The following DMD variants were observed in gnomAD, a reference collection of about 807,000 sequenced individuals.
DMD encodes mutant dystrophin.
A neutral mutation model predicts 330.1 loss-of-function variants in DMD; 63 were observed. The ratio of observed to expected loss-of-function variants is 0.19; its 90% CI spans 0.16 to 0.24. The LOEUF is 0.24. DMD is among the 10% of genes least tolerant of loss of function. The probability of loss-of-function intolerance (pLI) is 1.00; values close to 1 mark genes in which losing one functional copy is unlikely to be tolerated. For missense variants in DMD, 3,344 were observed against 2,684.1 expected, an observed-to-expected ratio of 1.25 and a Z score of -5.43; for synonymous variants, 1,223 against 959.8, an observed-to-expected ratio of 1.27 and a Z score of -5.07.
intron 2 of DMD, among the ~76,000 whole-genome samples, chrX:33,010,239 C>CAA (rs2093667874): frequency 1.1e-4 from 11 of 102,125 alleles, no homozygotes; most frequent in South Asian, 4.3e-4. Context: ...TATATATGTA[C>CAA]ATATGTGTGT....
chrX:32,689,852 C>T (rs1484610438), intron 9 of DMD, among the ~76,000 whole-genome samples: 1 of 110,378 alleles, frequency 9.1e-6, no homozygotes, highest in Non-Finnish European at 1.9e-5. Context: ...CACAATTTCA[C>T]TATTTAAAAA....
intron 2 of DMD, among the ~76,000 whole-genome samples, chrX:32,954,412 T>G (rs770736407): frequency 5.4e-5 from 6 of 111,836 alleles, no homozygotes; most frequent in Non-Finnish European, 7.5e-5. Flanking sequence ...GGGCATCCAC[T>G]GTCTTCTCAC....
Position 31,478,320 on chromosome X carries a change from G to A in DMD, c.8723C>T (p.Ala2908Val), listed in dbSNP as rs2067972248. ...QNVTRLLRKQ[A>V]EEVNTEWEKL... is the part of the protein sequence containing the mutation. ...TTCCCACTCAGTATTGACCTCCTCAGCCTGCTTTCGTAGAAGCCGAGTGAC... is the reference window on the plus strand; with the variant it reads ...TTCCCACTCAGTATTGACCTCCTCAACCTGCTTTCGTAGAAGCCGAGTGAC... The change falls in exon 59 of 79, where the codon GCT (alanine) becomes GTT (valine). Residue 2908 changes from alanine to valine, a missense_variant. Physicochemically the swap from Ala to Val is moderately conservative, Grantham distance 64 (BLOSUM62 0). Coordinates refer to ENST00000357033, the MANE Select transcript of DMD (RefSeq NM_004006.3). The A allele has an allele frequency of 8.3e-7, 1 of 1,211,511 alleles. No homozygotes were observed. The highest frequency in any genetic ancestry group is 3.0e-5 in the East Asian group (1 of 33,844).
At chrX:32,697,504 G>A (rs1172982295) in intron 9 of DMD, among the ~76,000 whole-genome samples, 2 of 111,711 alleles carry the variant, frequency 1.8e-5, no homozygotes, top group African/African-American at 6.5e-5. Flanking sequence ...CCCAAATAGT[G>A]TAATTAGCAA....
chrX:31,442,427 TACTTATA>T (rs2065014241), intron 60 of DMD, among the ~76,000 whole-genome samples: 1 of 111,705 alleles, frequency 9.0e-6, no homozygotes, highest in Non-Finnish European at 1.9e-5. Context: ...TGTTTTCCTG[TACTTATA>T]ACCAAGTTTT....
At chrX:32,659,063 T>C (rs1286828229) in intron 9 of DMD, among the ~76,000 whole-genome samples, 2 of 112,080 alleles carry the variant, frequency 1.8e-5, no homozygotes, top group Non-Finnish European at 3.8e-5. Flanking sequence ...CACTGCCTCA[T>C]TGTTTTTATT....
chrX:33,119,158 A>G (rs987432393), intron 1 of DMD, among the ~76,000 whole-genome samples: 1 of 112,432 alleles, frequency 8.9e-6, no homozygotes, highest in Admixed American at 9.5e-5. Flanking sequence ...ACTTCCTTGA[A>G]CACATTGTAT....
At chrX:32,654,705 G>A (rs2060428411) in intron 9 of DMD, among the ~76,000 whole-genome samples, 1 of 111,589 alleles carries the variant, frequency 9.0e-6, no homozygotes, top group South Asian at 3.7e-4. Context: ...TCTATTCATT[G>A]GAATAGTTTC....
chrX:32,758,884 C>A (rs1028502234), intron 7 of DMD, among the ~76,000 whole-genome samples: 1 of 111,768 alleles, frequency 8.9e-6, no homozygotes, highest in Non-Finnish European at 1.9e-5. Context: ...CGTCCACAAA[C>A]AAAACAGACA....
At chrX:32,449,706 G>A (rs1050481783) in intron 26 of DMD, among the ~76,000 whole-genome samples, 1 of 109,130 alleles carries the variant, frequency 9.2e-6, no homozygotes, top group Non-Finnish European at 1.9e-5. Context: ...CTTCGGTTGG[G>A]AGACATTTAC....
In DMD at chrX:31,729,680, C is replaced by G. The variant is rs961937321; in HGVS notation, c.7611G>C (p.Leu2537Phe). Reference sequence around the variant, plus strand: ...CCTCTTGATTGCTGGTCTTGTTTTTCAAATTTTGGGCAGCGGTAATGAGTT... The same window carrying G: ...CCTCTTGATTGCTGGTCTTGTTTTTGAAATTTTGGGCAGCGGTAATGAGTT... ...LEELITAAQN[L>F]KNKTSNQEAR... The change falls in exon 52 of 79, where the codon TTG becomes TTC. Residue 2537 changes from leucine to phenylalanine, a missense_variant. By Grantham distance (22) the Leu-to-Phe change is conservative (BLOSUM62 0). Transcript: ENST00000357033. 1.6e-5 allele frequency: 19 copies of G among 1,209,830 alleles called. No homozygotes were observed. Among genetic ancestry groups the G allele is most frequent in the Non-Finnish European group, 2.1e-5 (19 of 895,222 alleles).
At chrX:32,619,070 A>G (rs183554113) in intron 11 of DMD, among the ~76,000 whole-genome samples, 1 of 112,069 alleles carries the variant, frequency 8.9e-6, no homozygotes, top group East Asian at 2.8e-4. Context: ...ATATCCACCA[A>G]CATATGAACG....
At chrX:33,188,441 C>T (rs1033428713) in intron 1 of DMD, among the ~76,000 whole-genome samples, 2 of 110,379 alleles carry the variant, frequency 1.8e-5, no homozygotes, top group South Asian at 7.8e-4. Flanking sequence ...TATTGTACTT[C>T]CCACAAAGGA....
At chrX:32,522,140 T>A (rs780312437) in intron 17 of DMD, among the ~76,000 whole-genome samples, 1 of 112,143 alleles carries the variant, frequency 8.9e-6, no homozygotes, top group African/African-American at 3.2e-5. Context: ...ACCCTCTCTC[T>A]TCCTTCCCAT....
chrX:31,295,709 C>T (rs1010764226), intron 62 of DMD, among the ~76,000 whole-genome samples: 27 of 112,414 alleles, frequency 2.4e-4, no homozygotes, highest in Non-Finnish European at 4.7e-4. Flanking sequence ...CCACCACACC[C>T]GGCCTTGACT....
intron 48 of DMD, among the ~76,000 whole-genome samples, chrX:31,872,251 A>G (rs1217474219): frequency 9.0e-6 from 1 of 111,232 alleles, no homozygotes; most frequent in East Asian, 2.9e-4. Context: ...GTGATTTAAA[A>G]CAAGCTGCAG....
intron 47 of DMD, among the ~76,000 whole-genome samples, chrX:31,877,667 T>TTGTGTGTGTGTGTGTG (rs10670657): frequency 9.8e-6 from 1 of 102,337 alleles, no homozygotes; most frequent in South Asian, 4.6e-4. Context: ...TGCTGAACTC[T>TTGTGTGTGTGTGTGTG]TGTGTGTGTG....
chrX:32,511,527 A>AGG (rs2045327881), intron 18 of DMD, among the ~76,000 whole-genome samples: 1 of 102,699 alleles, frequency 9.7e-6, no homozygotes, highest in African/African-American at 3.6e-5. Flanking sequence ...GTCTCGGGAA[A>AGG]AAAAAAAAAA....
chrX:31,292,124 A>T (rs769859587), intron 62 of DMD, among the ~76,000 whole-genome samples: 1 of 111,826 alleles, frequency 8.9e-6, no homozygotes, highest in South Asian at 3.7e-4. Flanking sequence ...GGACTATATT[A>T]AAGTTAAGAA....
Sources: allele counts gnomAD v4.1 joint callset (sites outside exome capture counted in the v4.1 genomes callset), GRCh38; gene constraint gnomAD v4.1.1; transcripts MANE v1.5; gene names NCBI Gene and HGNC (gene_info 2026-07-23, HGNC 2026-07-21).